The following ZSWIM7 variants were observed in gnomAD, a reference collection of about 807,000 sequenced individuals.
ZSWIM7 encodes zinc finger SWIM-type containing 7, also known as zinc finger SWIM domain-containing protein 7.
In ZSWIM7, 22 loss-of-function variants were observed where a neutral mutation model predicts 21.1. The observed-to-expected ratio is 1.04, with a 90% CI of 0.74 to 1.49. The LOEUF (loss-of-function observed/expected upper bound fraction) is 1.49, where lower values mean the gene tolerates loss of function less well. Ranked by LOEUF, ZSWIM7 falls within the 40% of genes most tolerant of loss-of-function variation. The probability of loss-of-function intolerance (pLI) is 0.00; values close to 1 mark genes in which losing one functional copy is unlikely to be tolerated. For synonymous variants in ZSWIM7, 67 were observed against 66.5 expected (o/e 1.01, Z -0.04); for missense variants, 193 against 168.0 (o/e 1.15, Z -0.82).
rs1383160443 is a variant in ZSWIM7 at position 15,979,158 on chromosome 17, TG to T, written c.307-996del. 1.3e-4 allele frequency among the ~76,000 whole-genome samples: 20 copies of T among 151,710 alleles called. No homozygotes were observed. The East Asian group carries it at 3.9e-3, about 29-fold the overall frequency. The stretch of plus-strand genomic sequence containing the variant: ...CGGCCTTCCGCAGTGTTTGTGTCCC[TG>T]GGTACTTGAGATTAGGGAGTGGTGA... On this transcript the variant is annotated intron_variant, in intron 4 of 4. Transcript: ENST00000399277.
At chr17:15,998,583 A>T (rs1970598088) in intron 1 of ZSWIM7, among the ~76,000 whole-genome samples, 1 of 152,024 alleles carries the variant, frequency 6.6e-6, no homozygotes, top group Admixed American at 6.6e-5. Context: ...ATTTGATTTG[A>T]TCTTATCCTA....
chr17:15,994,513 T>A (rs73276071), intron 1 of ZSWIM7, among the ~76,000 whole-genome samples: 2 of 152,106 alleles, frequency 1.3e-5, no homozygotes, highest in African/African-American at 2.4e-5. Context: ...AAAATAAGAC[T>A]CTTTTCGAGT....
At chr17:15,980,377 C>A (rs1337149172) in intron 4 of ZSWIM7, 2 of 152,248 alleles carry the variant, frequency 1.3e-5, no homozygotes, top group African/African-American at 2.4e-5. Context: ...GCCTCTTGGA[C>A]AATGCTATAC....
intron 3 of ZSWIM7, among the ~76,000 whole-genome samples, chr17:15,986,335 C>T (rs547981037): frequency 9.2e-5 from 14 of 152,308 alleles, no homozygotes; most frequent in Admixed American, 4.6e-4. Flanking sequence ...TGAGCCACCA[C>T]GCCTGGCCAT....
At chr17:15,991,928 G>A (rs1007941324) in intron 2 of ZSWIM7, among the ~76,000 whole-genome samples, 3 of 125,558 alleles carry the variant, frequency 2.4e-5, no homozygotes, top group Non-Finnish European at 5.1e-5. Context: ...GTTTTGTTTT[G>A]TTTTGTTTTT....
chr17:15,986,752 T>C (rs1970416428), intron 3 of ZSWIM7: 2 of 152,086 alleles, frequency 1.3e-5, no homozygotes, highest in African/African-American at 4.8e-5. Context: ...TGGTACAACA[T>C]GGTGAATATA....
chr17:15,979,648 C>T (rs1317596142), intron 4 of ZSWIM7, among the ~76,000 whole-genome samples: 13 of 109,634 alleles, frequency 1.2e-4, no homozygotes, highest in East Asian at 2.6e-4. Flanking sequence ...CCGGACGGGG[C>T]GGCTGGCTGG....
At chr17:15,992,055 T>C (rs1439533981) in intron 2 of ZSWIM7, among the ~76,000 whole-genome samples, 2 of 151,850 alleles carry the variant, frequency 1.3e-5, no homozygotes, top group Non-Finnish European at 2.9e-5. Context: ...GCCCCCCGAA[T>C]AGCTGGGATT....
chr17:15,978,802 G>C (rs907333438), intron 4 of ZSWIM7, among the ~76,000 whole-genome samples: 3 of 152,156 alleles, frequency 2.0e-5, no homozygotes, highest in Admixed American at 2.0e-4. Flanking sequence ...CTTGCCTTCA[G>C]AAAGCTGTCA....
At chr17:15,989,704 C>T (rs1256300288) in intron 2 of ZSWIM7, among the ~76,000 whole-genome samples, 1 of 152,032 alleles carries the variant, frequency 6.6e-6, no homozygotes, top group African/African-American at 2.4e-5. Context: ...AATCATGGCT[C>T]ACTGCAGCCT....
chr17:15,987,187 T>A, intron 3 of ZSWIM7, 79 bp downstream of exon 3: 1 of 1,179,368 alleles, frequency 8.5e-7, no homozygotes, highest in Non-Finnish European at 1.2e-6. Context: ...TTAAAGCTAG[T>A]CAACAGCTTC....
chr17:15,985,720 G>A (rs1487280284), intron 3 of ZSWIM7, among the ~76,000 whole-genome samples: 1 of 152,158 alleles, frequency 6.6e-6, no homozygotes, highest in Admixed American at 6.5e-5. Flanking sequence ...ACCAATGGGA[G>A]GAACAAAAAG....
chr17:15,986,776 T>A (rs1234899036), intron 3 of ZSWIM7: 1 of 152,102 alleles, frequency 6.6e-6, no homozygotes. Context: ...AATAACAAAG[T>A]ATTGGCGGGG....
At position 15,993,781 on chromosome 17, in the gene ZSWIM7, G is replaced by T; in HGVS notation, c.77-3C>A. The T allele has an allele frequency of 6.6e-7, 1 of 1,505,396 alleles. No homozygotes were observed. The highest frequency in any genetic ancestry group is 9.2e-7 in the Non-Finnish European group (1 of 1,091,636). 93.3% of individuals were successfully genotyped at this position (1,505,396 alleles called of 1,614,324 possible). On this transcript the variant is annotated splice_region_variant and splice_polypyrimidine_tract_variant and intron_variant, in intron 1 of 4. Transcript: ENST00000399277. Reference sequence around the variant, plus strand: ...CGATAACAGATATTCATCAGGAACTGTAAAATGAGAATGGAAAAAAAAAGT... The same window carrying T: ...CGATAACAGATATTCATCAGGAACTTTAAAATGAGAATGGAAAAAAAAAGT...
At chr17:15,998,110 A>C (rs1444291883) in intron 1 of ZSWIM7, among the ~76,000 whole-genome samples, 2 of 151,812 alleles carry the variant, frequency 1.3e-5, no homozygotes, top group Non-Finnish European at 2.9e-5. Flanking sequence ...AAAAAAAAAA[A>C]CAAACCAACC....
chr17:15,987,713 C>T (rs994874097), intron 2 of ZSWIM7, among the ~76,000 whole-genome samples: 3 of 152,014 alleles, frequency 2.0e-5, no homozygotes, highest in African/African-American at 7.2e-5. Context: ...CGAGTTCAAG[C>T]GATTCTCCTG....
At chr17:15,978,945 CTCT>C (rs1970311113) in intron 4 of ZSWIM7, among the ~76,000 whole-genome samples, 1 of 146,242 alleles carries the variant, frequency 6.8e-6, no homozygotes, top group African/African-American at 2.6e-5. Context: ...AGGCTACTCT[CTCT>C]TTTTTTTTTT....
intron 2 of ZSWIM7, among the ~76,000 whole-genome samples, chr17:15,991,880 A>C (rs1468602930): frequency 1.3e-5 from 2 of 151,648 alleles, no homozygotes; most frequent in African/African-American, 4.9e-5. Flanking sequence ...TCAGGGCTCA[A>C]ACAGTCCTCC....
At chr17:15,991,918 G>GTTTTTTTTTTTT (rs529521274) in intron 2 of ZSWIM7, among the ~76,000 whole-genome samples, 1 of 65,382 alleles carries the variant, frequency 1.5e-5, no homozygotes, top group Admixed American at 1.5e-4. Flanking sequence ...TTTTTTGTTT[G>GTTTTTTTTTTTT]TTTTGTTTTG....
Sources: allele counts gnomAD v4.1 joint callset (sites outside exome capture counted in the v4.1 genomes callset), GRCh38; gene constraint gnomAD v4.1.1; transcripts MANE v1.5; gene names NCBI Gene and HGNC (gene_info 2026-07-23, HGNC 2026-07-21).